The following CPED1 variants were observed in gnomAD, a reference collection of about 807,000 sequenced individuals.
The protein encoded by CPED1 is cadherin-like and PC-esterase domain-containing protein 1.
A neutral mutation model predicts 128.2 loss-of-function variants in CPED1; 114 were observed. The ratio of observed to expected loss-of-function variants is 0.89; its 90% CI spans 0.76 to 1.04. The LOEUF is 1.04. Among genes scored for constraint, CPED1 ranks in the 50% least tolerant of loss-of-function variants. CPED1 has a pLI of 0.00. For missense variants in CPED1, 1,211 were observed against 1,207.1 expected (o/e 1.00, Z -0.05); for synonymous variants, 462 against 426.7 (o/e 1.08, Z -1.02).
chr7:121,107,329 A>G (rs372629208), intron 7 of CPED1, among the ~76,000 whole-genome samples: 1 of 149,826 alleles, frequency 6.7e-6, no homozygotes, highest in Admixed American at 6.7e-5. Context: ...ATATATTGGA[A>G]GGAAAAAATC....
intron 5 of CPED1, among the ~76,000 whole-genome samples, chr7:121,084,607 C>G (rs1794376032): frequency 6.6e-6 from 1 of 152,190 alleles, no homozygotes; most frequent in Non-Finnish European, 1.5e-5. Context: ...AGCTTAGTGT[C>G]CCCTTGCTTG....
At chr7:121,241,973 TC>T (rs982683934) in intron 17 of CPED1, among the ~76,000 whole-genome samples, 5 of 152,148 alleles carry the variant, frequency 3.3e-5, no homozygotes, top group African/African-American at 4.8e-5. Flanking sequence ...CTGAGCCCCA[TC>T]CCCATTGATT....
At chr7:121,038,996 T>G (rs1185634779) in intron 3 of CPED1, among the ~76,000 whole-genome samples, 1 of 152,126 alleles carries the variant, frequency 6.6e-6, no homozygotes, top group Non-Finnish European at 1.5e-5. Flanking sequence ...GTTTTTCCAC[T>G]ACAAAGTTAT....
intron 18 of CPED1, among the ~76,000 whole-genome samples, chr7:121,260,223 G>GTTTT (rs59370305): frequency 7.3e-4 from 51 of 70,016 alleles, no homozygotes; most frequent in Non-Finnish European, 1.0e-3. Flanking sequence ...CTTGCTTCGC[G>GTTTT]TTTTTTTTTT....
At chr7:121,194,012 C>T (rs1328485609) in intron 16 of CPED1, among the ~76,000 whole-genome samples, 1 of 68,550 alleles carries the variant, frequency 1.5e-5, no homozygotes, top group Non-Finnish European at 3.0e-5. Context: ...CTCTCTCTCT[C>T]TCTCTCTCTC....
intron 9 of CPED1, among the ~76,000 whole-genome samples, chr7:121,126,459 C>T (rs1795506510): frequency 6.6e-6 from 1 of 151,556 alleles, no homozygotes; most frequent in Admixed American, 6.6e-5. Flanking sequence ...TAACATAGCC[C>T]TTAGAGGCAA....
intron 18 of CPED1, among the ~76,000 whole-genome samples, chr7:121,246,466 C>T (rs759505513): frequency 6.6e-6 from 1 of 152,182 alleles, no homozygotes; most frequent in South Asian, 2.1e-4. Context: ...CTTGGGATAG[C>T]CCTCTTCCTG....
In CPED1 at chr7:121,136,038, A is replaced by G; in HGVS notation, c.1649-2A>G. On this transcript the variant is annotated splice_acceptor_variant, in intron 13 of 22. Coordinates refer to ENST00000310396, the MANE Select transcript of CPED1 (RefSeq NM_024913.5). LOFTEE classifies it high-confidence loss of function. ...TAAATTTACATTTCTTTTTTTTTTT[A>G]GCTGCAGTTCCACAAATTAAAAATG... is the stretch of plus-strand genomic sequence containing the variant. 1 of 1,482,634 alleles carries G rather than the reference A, an allele frequency of 6.7e-7. No homozygotes were observed. The highest frequency in any genetic ancestry group is 2.4e-5 in the Admixed American group (1 of 41,498). 91.8% of individuals were successfully genotyped at this position (1,482,634 alleles called of 1,614,324 possible). A position where few individuals can be genotyped will look rare whatever the true frequency, so the allele number is the denominator to read the frequency against.
intron 16 of CPED1, among the ~76,000 whole-genome samples, chr7:121,167,858 T>A (rs1160360221): frequency 6.6e-6 from 1 of 151,566 alleles, no homozygotes; most frequent in Non-Finnish European, 1.5e-5. Flanking sequence ...CAGCCTCCTG[T>A]GTAGCTGGGA....
chr7:121,124,057 G>A (rs1034361668), intron 7 of CPED1, among the ~76,000 whole-genome samples: 8 of 152,156 alleles, frequency 5.3e-5, no homozygotes, highest in African/African-American at 1.9e-4. Flanking sequence ...GAGTTCTGAT[G>A]ACAAGACTTG....
At position 121,267,318 on chromosome 7, in the gene CPED1, C is replaced by G; in HGVS notation, c.2721+16C>G. The G allele has an allele frequency of 6.8e-7, 1 of 1,464,774 alleles. No individual in the cohort carries two copies. Among genetic ancestry groups the G allele is most frequent in the Non-Finnish European group, 9.4e-7 (1 of 1,063,724 alleles). The allele number at this position is 1,464,774 out of a possible 1,614,324, so 90.7% of individuals were successfully genotyped here. Reference sequence around the variant, plus strand: ...CTTAACACAGGTAAGCACATTTCCTCTGGGCTAGGTGAATTTCATGATTCC... The same window carrying G: ...CTTAACACAGGTAAGCACATTTCCTGTGGGCTAGGTGAATTTCATGATTCC... On this transcript the variant is annotated intron_variant, in intron 21 of 22. Transcript: ENST00000310396.
At chr7:121,068,233 C>A (rs1435758072) in intron 5 of CPED1, among the ~76,000 whole-genome samples, 3 of 152,040 alleles carry the variant, frequency 2.0e-5, no homozygotes, top group Non-Finnish European at 2.9e-5. Context: ...TCTTCTAGTG[C>A]TTTTATGGTT....
intron 18 of CPED1, among the ~76,000 whole-genome samples, chr7:121,250,984 T>A (rs1172926663): frequency 1.3e-5 from 2 of 152,066 alleles, no homozygotes; most frequent in Non-Finnish European, 2.9e-5. Context: ...AGCATCATCC[T>A]GATACTGGCC....
intron 12 of CPED1, among the ~76,000 whole-genome samples, chr7:121,131,669 G>C (rs1431815615): frequency 6.6e-6 from 1 of 151,886 alleles, no homozygotes; most frequent in Admixed American, 6.6e-5. Context: ...CTAATGGTCA[G>C]TGTTGAGTAT....
At position 121,225,278 on chromosome 7, in the gene CPED1, C is replaced by A. The variant is rs569532802; in HGVS notation, c.2056-11436C>A. On this transcript the variant is annotated intron_variant, in intron 16 of 22. Coordinates refer to ENST00000310396, the MANE Select transcript of CPED1 (RefSeq NM_024913.5). ...GAAATTCTGGGTTGCAAATTCTTTT[C>A]TTTAAGAATGTTGAATATTGGCCCC... Among the ~76,000 whole-genome samples the A allele has an allele frequency of 5.9e-5, 9 of 152,232 alleles. 1 individual carries two copies. Among genetic ancestry groups the A allele is most frequent in the African/African-American group, 1.9e-4 (8 of 41,558 alleles).
At chr7:121,116,848 TACAA>T (rs1795246210) in intron 7 of CPED1, among the ~76,000 whole-genome samples, 2 of 151,318 alleles carry the variant, frequency 1.3e-5, no homozygotes, top group Non-Finnish European at 2.9e-5. Flanking sequence ...TTGCTATGAA[TACAA>T]ACAAAGCAGT....
intron 5 of CPED1, among the ~76,000 whole-genome samples, chr7:121,082,570 AC>A (rs1794320292): frequency 6.6e-6 from 1 of 152,210 alleles, no homozygotes; most frequent in Non-Finnish European, 1.5e-5. Context: ...GCAGGAGATG[AC>A]ATTAAATTTT....
chr7:121,151,618 A>G (rs575601355), intron 16 of CPED1, among the ~76,000 whole-genome samples: 1 of 152,362 alleles, frequency 6.6e-6, no homozygotes, highest in South Asian at 2.1e-4. Context: ...AGAAATAAAT[A>G]TCTGTAAAGG....
At chr7:121,250,395 C>G (rs1326314191) in intron 18 of CPED1, among the ~76,000 whole-genome samples, 1 of 151,662 alleles carries the variant, frequency 6.6e-6, no homozygotes, top group Non-Finnish European at 1.5e-5. Context: ...GACACCCTAA[C>G]ATCACAATTA....
Sources: allele counts gnomAD v4.1 joint callset (sites outside exome capture counted in the v4.1 genomes callset), GRCh38; gene constraint gnomAD v4.1.1; transcripts MANE v1.5; gene names NCBI Gene and HGNC (gene_info 2026-07-23, HGNC 2026-07-21).